Variants in ZNF423 observed in about 807,000 individuals in gnomAD.
ZNF423 encodes zinc finger protein 423.
In ZNF423, 12 loss-of-function variants were observed where a neutral mutation model predicts 95.8. That is an observed-to-expected ratio of 0.13 (90% confidence interval 0.08 to 0.20). The LOEUF is 0.20. Among genes scored for constraint, ZNF423 ranks in the 10% least tolerant of loss-of-function variants. ZNF423 has a pLI of 1.00. For missense variants in ZNF423, 1,316 were observed against 1,737.1 expected, an observed-to-expected ratio of 0.76 and a Z score of 4.31; for synonymous variants, 749 against 711.9, an observed-to-expected ratio of 1.05 and a Z score of -0.83.
chr16:49,829,347 C>A (rs2035038777), intron 1 of ZNF423, among the ~76,000 whole-genome samples: 1 of 152,168 alleles, frequency 6.6e-6, no homozygotes, highest in South Asian at 2.1e-4. Context: ...AGAGGGAGTC[C>A]CCAGCAGTGT....
intron 7 of ZNF423, among the ~76,000 whole-genome samples, chr16:49,495,424 C>T (rs568659934): frequency 2.2e-4 from 33 of 152,308 alleles, no homozygotes; most frequent in Middle Eastern, 3.4e-3. Flanking sequence ...CAAAAAGAGC[C>T]CTCTCTGTGC....
rs141893384 is a variant in ZNF423, at chr16:49,637,302, C to T, written c.1874G>A (p.Arg625Gln). The T allele has an allele frequency of 9.2e-5, 149 of 1,614,194 alleles. No individual in the cohort carries two copies. The African/African-American group carries it at 1.6e-3, about 17-fold the overall frequency. The change falls in exon 4 of 8, where the codon CGG becomes CAG. Residue 625 changes from arginine to glutamine, a missense_variant. Physicochemically the swap from Arg to Gln is conservative, Grantham distance 43 (BLOSUM62 1). Around this residue, in one of 6 missense-constraint regions of ZNF423, gnomAD observed 620 missense variants for 775.6 expected, o/e 0.80. Transcript: ENST00000563137. This position sits in a 1 kb window ranked among gnomAD's most constrained non-coding sequence, Gnocchi z 5.6. ...GTTGGCGCTTGCTGAGAGCCGCTGC[C>T]GCTTCGGGGAAGACACCTCCACATC... ...SSDVEVSSPK[R>Q]QRLSASANSI...
intron 5 of ZNF423, among the ~76,000 whole-genome samples, chr16:49,605,308 AT>A (rs1378286904): frequency 1.3e-5 from 2 of 152,168 alleles, no homozygotes; most frequent in African/African-American, 4.8e-5. Context: ...TTAAATACTT[AT>A]TGAATGAGAT....
intron 5 of ZNF423, among the ~76,000 whole-genome samples, chr16:49,565,644 A>T (rs1970163356): frequency 6.6e-6 from 1 of 152,178 alleles, no homozygotes; most frequent in African/African-American, 2.4e-5. Context: ...TGCTGGTGCC[A>T]TCAACTCAAA....
intron 1 of ZNF423, among the ~76,000 whole-genome samples, chr16:49,844,598 C>A (rs756629737): frequency 3.9e-5 from 6 of 152,252 alleles, no homozygotes; most frequent in Non-Finnish European, 8.8e-5. Context: ...CACCCACTCA[C>A]TTATCCACTC....
At chr16:49,601,465 C>T (rs1457879377) in intron 5 of ZNF423, among the ~76,000 whole-genome samples, 1 of 152,234 alleles carries the variant, frequency 6.6e-6, no homozygotes, top group Admixed American at 6.5e-5. Context: ...AACTCTGAAA[C>T]TTCCCACAGG....
chr16:49,677,310 AAGGAG>A (rs1567284152), intron 3 of ZNF423, among the ~76,000 whole-genome samples: 15 of 75,518 alleles, frequency 2.0e-4, no homozygotes, highest in Admixed American at 3.3e-4. Context: ...AGAGAAGAGA[AAGGAG>A]GGGAAGGGAG....
At chr16:49,640,189 C>A (rs1260455599) in intron 3 of ZNF423, among the ~76,000 whole-genome samples, 2 of 152,178 alleles carry the variant, frequency 1.3e-5, no homozygotes, top group African/African-American at 2.4e-5. Flanking sequence ...CAGACGTAAC[C>A]TTGGCCCAGA....
rs1200789340 is a variant in ZNF423, at chr16:49,815,897, T to TACAC, written c.41-26352_41-26351insGTGT. Among the ~76,000 whole-genome samples, 25 of 47,050 alleles carry TACAC rather than the reference T, an allele frequency of 5.3e-4. 2 individuals are homozygous for TACAC. The highest frequency in any genetic ancestry group is 0.016 in the Middle Eastern group (2 of 122). The allele number at this position is 47,050 out of a possible 152,430, so 30.9% of individuals were successfully genotyped here. ...AAAAAAAAAAATATATATATATATATATATATATATATATATATTTTTTTT... is the reference window on the plus strand; with the variant it reads ...AAAAAAAAAAATATATATATATATATACACATATATATATATATATATTTTTTTT... On this transcript the variant is annotated intron_variant, in intron 1 of 7. Transcript: ENST00000563137.
intron 7 of ZNF423, among the ~76,000 whole-genome samples, chr16:49,498,462 C>T (rs566568193): frequency 2.0e-5 from 3 of 152,282 alleles, no homozygotes; most frequent in East Asian, 1.9e-4. Context: ...GAGAGGAAGG[C>T]GGGGGCCTTA....
chr16:49,493,521 C>T (rs1168295218), intron 7 of ZNF423, among the ~76,000 whole-genome samples: 1 of 152,110 alleles, frequency 6.6e-6, no homozygotes, highest in Non-Finnish European at 1.5e-5. Flanking sequence ...ACTTTCACAC[C>T]CTGCCAACCG....
chr16:49,746,087 T>G (rs1238302953), intron 2 of ZNF423, among the ~76,000 whole-genome samples: 2 of 152,126 alleles, frequency 1.3e-5, no homozygotes, highest in East Asian at 3.9e-4. Context: ...TCACTTCCTC[T>G]CCCCGAGCCT....
rs562103858 is a variant in ZNF423, at chr16:49,528,571, A to G, written c.3602-3077T>C. Among the ~76,000 whole-genome samples, 7 of 152,254 alleles carry G rather than the reference A, an allele frequency of 4.6e-5. No individual in the cohort carries two copies. The East Asian group carries it at 1.2e-3, about 25-fold the overall frequency. On this transcript the variant is annotated intron_variant, in intron 5 of 7. Coordinates refer to ENST00000563137, the MANE Select transcript of ZNF423 (RefSeq NM_001379286.1). ...GGAGAAATAAAACAAGCAAAAAGTG[A>G]AAGTGAAGGGAGGGGATGGAATAAA...
chr16:49,818,284 G>T (rs746029566), intron 1 of ZNF423, among the ~76,000 whole-genome samples: 15 of 152,194 alleles, frequency 9.9e-5, no homozygotes, highest in Non-Finnish European at 2.1e-4. Context: ...CGCCCACAGA[G>T]ATTCTGACTC....
At chr16:49,613,833 T>C (rs576379895) in intron 5 of ZNF423, among the ~76,000 whole-genome samples, 2 of 151,856 alleles carry the variant, frequency 1.3e-5, no homozygotes, top group African/African-American at 2.4e-5. Context: ...TTATATTGTA[T>C]ATAAAAACTA....
intron 2 of ZNF423, among the ~76,000 whole-genome samples, chr16:49,734,066 C>T (rs566859567): frequency 6.0e-4 from 92 of 152,354 alleles, no homozygotes; most frequent in African/African-American, 2.1e-3. Context: ...CCTGTTGGAG[C>T]CCCAAGCTCT....
intron 3 of ZNF423, among the ~76,000 whole-genome samples, chr16:49,655,327 T>C (rs4785328): frequency 0.66 from 99,738 of 151,768 alleles, 32,930 homozygotes; most frequent in East Asian, 0.76. Context: ...AAGTGGGATC[T>C]GGACTCCCCA....
intron 7 of ZNF423, among the ~76,000 whole-genome samples, chr16:49,509,885 G>C (rs1360234014): frequency 6.6e-6 from 1 of 152,192 alleles, no homozygotes; most frequent in East Asian, 1.9e-4. Flanking sequence ...GTGAAACGGG[G>C]ATAACAGCAG....
chr16:49,525,554 T>TCA, intron 5 of ZNF423, 60 bp from the exon 6 acceptor site: 1 of 1,604,974 alleles, frequency 6.2e-7, no homozygotes. Context: ...AGACAGGTGC[T>TCA]CACAAGGCCT....
Sources: gnomAD v4.1 joint callset for allele counts (sites outside exome capture counted in the v4.1 genomes callset) on GRCh38, gnomAD v4.1.1 for gene constraint, gnomAD v4.1.1 regional missense constraint, Gnocchi (gnomAD v3.1) non-coding constraint, MANE v1.5 for transcripts, NCBI Gene and HGNC (gene_info 2026-07-23, HGNC 2026-07-21) for gene names.